PRDM15: variants seen among roughly 807,000 people sequenced by gnomAD.
PRDM15 encodes PR/SET domain 15.
Under a neutral mutation model 128.6 loss-of-function variants are expected in PRDM15, and 64 were observed. That is an observed-to-expected ratio of 0.50 (90% confidence interval 0.41 to 0.61). The LOEUF (loss-of-function observed/expected upper bound fraction) is 0.61. PRDM15 is among the 20% of genes least tolerant of loss of function. PRDM15 has a pLI of 0.00. For synonymous variants in PRDM15, 615 were observed against 621.8 expected (o/e 0.99, Z 0.16); for missense variants, 1,242 against 1,569.1 (o/e 0.79, Z 3.52).
intron 22 of PRDM15, 72 bp downstream of exon 22, chr21:41,804,462 C>A (rs573047221): frequency 3.3e-6 from 4 of 1,217,802 alleles, no homozygotes; most frequent in Non-Finnish European, 3.5e-6. Context: ...CCTGTCCAAG[C>A]CCCTCTGGTC....
chr21:41,830,615 C>T (rs1175417124), intron 11 of PRDM15, among the ~76,000 whole-genome samples: 13 of 151,782 alleles, frequency 8.6e-5, no homozygotes, highest in Non-Finnish European at 1.8e-4. Flanking sequence ...CACATACACA[C>T]AAACACACCA....
intron 7 of PRDM15, 55 bp from the exon 8 acceptor site, chr21:41,838,118 A>T: frequency 1.3e-6 from 2 of 1,592,832 alleles, no homozygotes; most frequent in Non-Finnish European, 1.7e-6. Flanking sequence ...GGACAAACAC[A>T]GTCAAACCAT....
intron 1 of PRDM15, among the ~76,000 whole-genome samples, chr21:41,864,905 C>T (rs1395890990): frequency 1.3e-5 from 2 of 150,126 alleles, no homozygotes; most frequent in African/African-American, 4.9e-5. Flanking sequence ...CCCTCTCCAG[C>T]CACGCTTCCC....
intron 21 of PRDM15, among the ~76,000 whole-genome samples, chr21:41,809,434 T>C (rs111866007): frequency 0.051 from 7,791 of 152,084 alleles, 672 homozygotes; most frequent in African/African-American, 0.18. Context: ...GGTTTCACCA[T>C]GTTGGCCAGG....
At chr21:41,824,125 C>A (rs544662939) in intron 13 of PRDM15, among the ~76,000 whole-genome samples, 79 of 152,298 alleles carry the variant, frequency 5.2e-4, no homozygotes, top group African/African-American at 1.8e-3. Flanking sequence ...CTATTCCCAG[C>A]GGCCACGTAA....
rs2062027584 is a variant in PRDM15 at position 41,815,732 on chromosome 21, T to G, written c.2365A>C (p.Met789Leu). Residue 789 changes from methionine to leucine, a missense_variant, in exon 19 of 24, where the codon ATG becomes CTG. By Grantham distance (15) the Met-to-Leu change is conservative (BLOSUM62 2). Transcript: ENST00000398548. ...GTGTGCCGCTTGCAGTGCTTGAGCATGTTGACCTTCTGCGCGAACCTGCGG... is the reference window on the plus strand; with the variant it reads ...GTGTGCCGCTTGCAGTGCTTGAGCAGGTTGACCTTCTGCGCGAACCTGCGG... ...CHRRFAQKVN[M>L]LKHCKRHTGI... 6.2e-7 allele frequency: 1 copy of G among 1,613,888 alleles called. No homozygotes were observed. Among genetic ancestry groups the G allele is most frequent in the African/African-American group, 1.3e-5 (1 of 74,946 alleles).
chr21:41,867,453 G>T, intron 1 of PRDM15: 2 of 1,142,664 alleles, frequency 1.8e-6, no homozygotes, highest in South Asian at 1.3e-5. Context: ...ATGTTGAAGA[G>T]ACAGAGTCTC....
chr21:41,815,895 C>T lies in PRDM15; in HGVS notation c.2261-59G>A, dbSNP rs564631838. 489 of 1,600,164 alleles carry T rather than the reference C, an allele frequency of 3.1e-4. 3 individuals are homozygous for T. In the African/African-American group the frequency reaches 5.4e-3, roughly 18 times the overall value. On this transcript the variant is annotated intron_variant, in intron 18 of 23. Coordinates refer to ENST00000398548, the MANE Select transcript of PRDM15 (RefSeq NM_001040424.3). The stretch of plus-strand genomic sequence containing the variant: ...CCCCCACGCAGCCCACCTGGGGGCC[C>T]ATGCCCGAGACCCTGGGGCAGGCAC...
At chr21:41,877,177 A>T (rs2064448194) in intron 1 of PRDM15, 1 of 153,036 alleles carries the variant, frequency 6.5e-6, no homozygotes, top group Non-Finnish European at 1.5e-5. Context: ...CCCTCCTCAG[A>T]CAGCCCCTTC....
chr21:41,869,218 T>C (rs1483592331), intron 1 of PRDM15, among the ~76,000 whole-genome samples: 1 of 152,188 alleles, frequency 6.6e-6, no homozygotes, highest in Non-Finnish European at 1.5e-5. Context: ...AGACTATGCT[T>C]GTGATTACCA....
At chr21:41,873,985 G>A (rs910817012) in intron 1 of PRDM15, among the ~76,000 whole-genome samples, 1 of 151,518 alleles carries the variant, frequency 6.6e-6, no homozygotes, top group Admixed American at 6.6e-5. Flanking sequence ...GGTAGAGGCT[G>A]CAGTGAGCCG....
intron 1 of PRDM15, among the ~76,000 whole-genome samples, chr21:41,865,565 T>A (rs1340252027): frequency 6.6e-6 from 1 of 152,104 alleles, no homozygotes; most frequent in African/African-American, 2.4e-5. Context: ...TTCCCCTCAG[T>A]CCACCATGGG....
intron 18 of PRDM15, among the ~76,000 whole-genome samples, chr21:41,816,175 A>G (rs934466842): frequency 1.8e-4 from 28 of 152,262 alleles, no homozygotes; most frequent in Admixed American, 2.6e-4. Context: ...GATTAATACA[A>G]GCATGACTAA....
intron 6 of PRDM15, among the ~76,000 whole-genome samples, chr21:41,842,284 T>C (rs879630292): frequency 5.3e-5 from 8 of 152,214 alleles, no homozygotes; most frequent in Non-Finnish European, 1.2e-4. Context: ...TTCCATTTTT[T>C]AGTATTAGAT....
At chr21:41,830,372 C>T (rs2062644292) in intron 11 of PRDM15, among the ~76,000 whole-genome samples, 2 of 148,414 alleles carry the variant, frequency 1.3e-5, no homozygotes. Flanking sequence ...CATACAAACA[C>T]ATACGCTCAG....
chr21:41,805,548 T>C (rs62216228), intron 21 of PRDM15, among the ~76,000 whole-genome samples: 17,585 of 152,164 alleles, frequency 0.12, 1,085 homozygotes, highest in Non-Finnish European at 0.12. Context: ...AAACAAAGGC[T>C]GGTCTGTAAG....
chr21:41,807,917 C>T (rs1257061058), intron 21 of PRDM15, among the ~76,000 whole-genome samples: 1 of 152,200 alleles, frequency 6.6e-6, no homozygotes, highest in African/African-American at 2.4e-5. Context: ...GGGCAACACA[C>T]AGCCCAGTTG....
At chr21:41,822,295 A>G (rs1196892386) in intron 14 of PRDM15, among the ~76,000 whole-genome samples, 1 of 152,088 alleles carries the variant, frequency 6.6e-6, no homozygotes, top group Non-Finnish European at 1.5e-5. Flanking sequence ...CAAGATCCCA[A>G]TCTGTGCCCA....
chr21:41,841,018 G>A (rs2063059264), intron 6 of PRDM15, among the ~76,000 whole-genome samples: 1 of 152,076 alleles, frequency 6.6e-6, no homozygotes. Flanking sequence ...ATGAGCAGGA[G>A]CTAAGAAGAC....
Sources: allele counts gnomAD v4.1 joint callset (sites outside exome capture counted in the v4.1 genomes callset), GRCh38; gene constraint gnomAD v4.1.1; transcripts MANE v1.5; gene names NCBI Gene and HGNC (gene_info 2026-07-23, HGNC 2026-07-21).